Variants in COX15 observed in about 807,000 individuals in gnomAD.
COX15 encodes the protein heme A synthase COX15.
A neutral mutation model predicts 51.9 loss-of-function variants in COX15; 51 were observed. That is an observed-to-expected ratio of 0.98 (90% CI 0.78 to 1.24). The LOEUF (loss-of-function observed/expected upper bound fraction) is 1.24, where lower values mean the gene tolerates loss of function less well. COX15 is among the 50% of genes most tolerant of loss of function. The pLI is 0.00. For synonymous variants in COX15, 188 were observed against 190.5 expected (o/e 0.99, Z 0.11); for missense variants, 420 against 501.1 (o/e 0.84, Z 1.55).
At chr10:99,702,062 A>C in the COX15 span, among the ~76,000 whole-genome samples, 2 of 151,626 alleles carry the variant, frequency 1.3e-5, no homozygotes, top group Non-Finnish European at 3.0e-5. Context: ...AAAAAACAAA[A>C]ATTGTTTTAA....
At chr10:99,717,853 G>A (rs971069325) in intron 7 of COX15, among the ~76,000 whole-genome samples, 4 of 152,024 alleles carry the variant, frequency 2.6e-5, no homozygotes, top group Non-Finnish European at 5.9e-5. Flanking sequence ...TCACACACAG[G>A]CCTCCAAGCC....
intron 4 of COX15, among the ~76,000 whole-genome samples, chr10:99,725,427 T>G (rs1041030204): frequency 6.6e-6 from 1 of 152,260 alleles, no homozygotes; most frequent in Admixed American, 6.5e-5. Flanking sequence ...CAGTGTTGGC[T>G]TGTTTTTCTA....
At chr10:99,701,378 C>A in the COX15 span, among the ~76,000 whole-genome samples, 3 of 151,688 alleles carry the variant, frequency 2.0e-5, no homozygotes, top group African/African-American at 7.3e-5. Flanking sequence ...ACCTCCGCCT[C>A]CTGGGTTCCA....
At chr10:99,702,591 C>T in the COX15 span, 2 of 1,613,468 alleles carry the variant, frequency 1.2e-6, no homozygotes, top group Non-Finnish European at 8.5e-7. Context: ...CCCAAACCTG[C>T]GGACAGCCCA....
In COX15 at chr10:99,713,566, T is replaced by C. The variant is rs2036467486; in HGVS notation, c.*1021A>G. ...GGGTAGATGTCCATGCACTACACCA[T>C]CAAGGCCATATTTTTCTTATTACAA... On this transcript the variant is annotated 3_prime_UTR_variant, in exon 9 of 9. Coordinates refer to ENST00000016171, the MANE Select transcript of COX15 (RefSeq NM_078470.6). 6.5e-7 allele frequency: 1 copy of C among 1,538,456 alleles called. No individual in the cohort carries two copies. The highest frequency in any genetic ancestry group is 1.2e-5 in the South Asian group (1 of 84,668).
chr10:99,708,015 G>A (rs1393991274), downstream of COX15, among the ~76,000 whole-genome samples: 2 of 152,160 alleles, frequency 1.3e-5, no homozygotes, highest in Admixed American at 1.3e-4. Context: ...GGTGAGCATA[G>A]TACCTAACAG....
chr10:99,715,435 G>A (rs986712601), intron 8 of COX15, among the ~76,000 whole-genome samples: 16 of 152,102 alleles, frequency 1.1e-4, no homozygotes, highest in East Asian at 9.6e-4. Flanking sequence ...CACTGTGCCC[G>A]GCCCATAGTT....
rs1427626001 is a variant in COX15, at chr10:99,712,557, T to C, written c.*2030A>G. On this transcript the variant is annotated 3_prime_UTR_variant, in exon 9 of 9. Coordinates refer to ENST00000016171, the MANE Select transcript of COX15 (RefSeq NM_078470.6). ...AAATCCAGATGTTCTTCCTTTGTAT[T>C]TGTATTGTCACTGTATGGAATCTAG... 4.1e-6 allele frequency: 4 copies of C among 984,914 alleles called. No homozygotes were observed. The highest frequency in any genetic ancestry group is 4.8e-6 in the Non-Finnish European group (4 of 829,544). The allele number at this position is 984,914 out of a possible 1,614,324, so 61.0% of individuals were successfully genotyped here.
At chr10:99,695,191 C>A in the COX15 span, among the ~76,000 whole-genome samples, 1 of 152,122 alleles carries the variant, frequency 6.6e-6, no homozygotes, top group Non-Finnish European at 1.5e-5. Context: ...AATCCCCAAA[C>A]CTGTCATAAG....
At chr10:99,701,595 A>AT in the COX15 span, among the ~76,000 whole-genome samples, 22 of 149,490 alleles carry the variant, frequency 1.5e-4, no homozygotes, top group East Asian at 3.9e-4. Flanking sequence ...GCCAAAAGTG[A>AT]TTTTTTTTTT....
chr10:99,714,094 CAGGATATTAGA>C lies in COX15; in HGVS notation c.*482_*492del, dbSNP rs368877701. The C allele has an allele frequency of 6.3e-4, 638 of 1,005,838 alleles. 3 individuals carry two copies. The African/African-American group carries it at 9.8e-3, about 15-fold the overall frequency. 62.3% of individuals were successfully genotyped at this position (1,005,838 alleles called of 1,614,324 possible). ...CTGCAATTTCCCCATTTCTGAAAAT[CAGGATATTAGA>C]AGACATTAGCTTTTTTTTTTTTGCT... On this transcript the variant is annotated 3_prime_UTR_variant, in exon 9 of 9. Transcript: ENST00000016171.
At chr10:99,717,392 G>T (rs966262432) in intron 7 of COX15, among the ~76,000 whole-genome samples, 2 of 151,976 alleles carry the variant, frequency 1.3e-5, no homozygotes, top group East Asian at 1.9e-4. Context: ...TTTATTTATC[G>T]TAGAGATGAG....
At chr10:99,721,279 A>T (rs949994170) in intron 5 of COX15, among the ~76,000 whole-genome samples, 2 of 152,182 alleles carry the variant, frequency 1.3e-5, no homozygotes, top group East Asian at 3.8e-4. Context: ...CTTCTACCCC[A>T]TAAGTTTTGT....
Position 99,729,696 on chromosome 10 carries a change from G to A in COX15, c.129C>T (p.Tyr43=), listed in dbSNP as rs1276445985. ...GCAAAGCTACTTCAGAGATGGTGCTGTATTGCCCTGGCCTCAAAGGGCGCC... is the reference window on the plus strand; with the variant it reads ...GCAAAGCTACTTCAGAGATGGTGCTATATTGCCCTGGCCTCAAAGGGCGCC... The part of the protein sequence containing the change: ...CIRRPLRPGQ[Y]STISEVALQS... The change falls in exon 2 of 9, where the codon TAC becomes TAT. Residue 43 remains tyrosine (Y), a synonymous_variant. Coordinates refer to ENST00000016171, the MANE Select transcript of COX15 (RefSeq NM_078470.6). 1 of 1,614,168 alleles carries A rather than the reference G, an allele frequency of 6.2e-7. No individual in the cohort carries two copies. The highest frequency in any genetic ancestry group is 1.3e-5 in the African/African-American group (1 of 75,040).
chr10:99,713,946 G>C lies in COX15; in HGVS notation c.*641C>G. On this transcript the variant is annotated 3_prime_UTR_variant, in exon 9 of 9. Transcript: ENST00000016171. ...AGATCACGCCATTGTACTCCAGCCTGGGCAACAAGAGTGAAACTCTGTCTC... is the reference window on the plus strand; with the variant it reads ...AGATCACGCCATTGTACTCCAGCCTCGGCAACAAGAGTGAAACTCTGTCTC... 1 of 949,380 alleles carries C rather than the reference G, an allele frequency of 1.1e-6. No homozygotes were observed. Among genetic ancestry groups the C allele is most frequent in the Non-Finnish European group, 1.3e-6 (1 of 794,366 alleles). 58.8% of individuals were successfully genotyped at this position (949,380 alleles called of 1,614,324 possible).
intron 1 of COX15, 144 bp from the exon 2 acceptor site, chr10:99,729,878 G>GC: frequency 3.6e-6 from 3 of 843,790 alleles, no homozygotes; most frequent in Non-Finnish European, 5.7e-6. Flanking sequence ...CTGGATTACT[G>GC]CATCAGCCTT....
intron 4 of COX15, among the ~76,000 whole-genome samples, chr10:99,724,587 T>G (rs1352188780): frequency 6.6e-6 from 1 of 152,170 alleles, no homozygotes; most frequent in Non-Finnish European, 1.5e-5. Flanking sequence ...ATTCATGATT[T>G]ATCCACAGTT....
chr10:99,695,315 G>A, the COX15 span, among the ~76,000 whole-genome samples: 1 of 152,092 alleles, frequency 6.6e-6, no homozygotes, highest in Non-Finnish European at 1.5e-5. Flanking sequence ...ATGAGGTCAA[G>A]AGATCGAGAA....
chr10:99,699,415 A>C, the COX15 span, among the ~76,000 whole-genome samples: 2 of 152,202 alleles, frequency 1.3e-5, no homozygotes, highest in South Asian at 4.1e-4. Context: ...TATAGGACTT[A>C]AGCATCATAT....
Sources: allele counts gnomAD v4.1 joint callset (sites outside exome capture counted in the v4.1 genomes callset), GRCh38; gene constraint gnomAD v4.1.1; transcripts MANE v1.5; gene names NCBI Gene and HGNC (gene_info 2026-07-23, HGNC 2026-07-21).